IMPDH1: variants seen among roughly 807,000 people sequenced by gnomAD.
IMPDH1 encodes the protein inosine-5'-monophosphate dehydrogenase 1.
A neutral mutation model predicts 73.5 loss-of-function variants in IMPDH1; 41 were observed. That is an observed-to-expected ratio of 0.56 (90% CI 0.43 to 0.72). The LOEUF (loss-of-function observed/expected upper bound fraction) is 0.72. IMPDH1 is among the 30% of genes least tolerant of loss of function. The probability of loss-of-function intolerance (pLI) is 0.00; values close to 1 mark genes in which losing one functional copy is unlikely to be tolerated. For missense variants in IMPDH1, 645 were observed against 824.8 expected (o/e 0.78, Z 2.67); for synonymous variants, 318 against 334.3 (o/e 0.95, Z 0.53).
At position 128,409,447 on chromosome 7, in the gene IMPDH1, G is replaced by A. The variant is rs926912595; in HGVS notation, c.184C>T (p.Arg62Cys). 6.2e-6 allele frequency: 10 copies of A among 1,614,084 alleles called. No homozygotes were observed. Among genetic ancestry groups the A allele is most frequent in the Non-Finnish European group, 8.5e-6 (10 of 1,180,020 alleles). The change falls in exon 2 of 17, where the codon CGT becomes TGT. Residue 62 changes from arginine to cysteine, a missense_variant. Physicochemically the swap from Arg to Cys is radical, Grantham distance 180. Coordinates refer to ENST00000338791, the MANE Select transcript of IMPDH1 (RefSeq NM_000883.4). ...LDLATHPTTP[R>C]SELSSVVLLA... ...CCCCAGGAGTTGGAGCCACCTGAAC[G>A]GGGTGTCGTCGGGTGTGTAGCGAGG...
chr7:128,396,861 G>T lies in IMPDH1; in HGVS notation c.1165+71C>A. 1.6e-6 allele frequency: 2 copies of T among 1,265,954 alleles called. No homozygotes were observed. The highest frequency in any genetic ancestry group is 1.2e-5 in the South Asian group (1 of 83,740). The allele number at this position is 1,265,954 out of a possible 1,614,324, so 78.4% of individuals were successfully genotyped here. A position where few individuals can be genotyped will look rare whatever the true frequency, so the allele number is the denominator to read the frequency against. ...AGGAGCCATACCATCACCTAGGGAT[G>T]CTGAAGGACAGAAAAGGGTTACTCA... On this transcript the variant is annotated intron_variant, in intron 11 of 16. Transcript: ENST00000338791. This position sits in a 1 kb window ranked among gnomAD's most constrained non-coding sequence, Gnocchi z 4.0.
At chr7:128,395,531 C>G (rs879773460) in intron 12 of IMPDH1, among the ~76,000 whole-genome samples, 1 of 152,338 alleles carries the variant, frequency 6.6e-6, no homozygotes, top group East Asian at 1.9e-4. Flanking sequence ...GCCTTCAGAG[C>G]CCAATGCCCC....
rs1327041857 is a variant in IMPDH1, at chr7:128,394,683, C to T, written c.1551-84G>A. Reference sequence around the variant, plus strand: ...CCTCTTAAGGGCAAAAACGGGATACCGCCCAGGAAGGTCCCCCAGGCCACC... The same window carrying T: ...CCTCTTAAGGGCAAAAACGGGATACTGCCCAGGAAGGTCCCCCAGGCCACC... On this transcript the variant is annotated intron_variant, in intron 14 of 16. Coordinates refer to ENST00000338791, the MANE Select transcript of IMPDH1 (RefSeq NM_000883.4). The surrounding 1 kb of genome is among the most constrained non-coding windows in gnomAD (Gnocchi z 5.5). 37 of 1,556,836 alleles carry T rather than the reference C, an allele frequency of 2.4e-5. No homozygotes were observed. Among genetic ancestry groups the T allele is most frequent in the South Asian group, 1.3e-4 (12 of 89,412 alleles).
Position 128,396,691 on chromosome 7 carries a change from C to T in IMPDH1, c.1170G>A (p.Val390=). The T allele has an allele frequency of 6.4e-7, 1 of 1,552,260 alleles. No individual in the cohort carries two copies. ...TCAGGTTCTTGGCCTGGGCTGCTGT[C>T]ACCACTGGGGGTGGGGATGGGGCAG... ...PHLQVIGGNV[V]TAAQAKNLID... The change falls in exon 12 of 17, where the codon GTG becomes GTA. Residue 390 remains valine (V), a synonymous_variant. Transcript: ENST00000338791. The surrounding 1 kb of genome is among the most constrained non-coding windows in gnomAD (Gnocchi z 4.0).
In IMPDH1 at chr7:128,394,311, G is replaced by A. The variant is rs759462745; in HGVS notation, c.1745C>T (p.Ala582Val). 6.2e-7 allele frequency: 1 copy of A among 1,614,086 alleles called. No individual in the cohort carries two copies. Among genetic ancestry groups the A allele is most frequent in the Non-Finnish European group, 8.5e-7 (1 of 1,180,012 alleles). ...ELKFEKRTMS[A>V]QIEGGVHGLH... The stretch of plus-strand genomic sequence containing the variant: ...GCCATGGACACCACCCTCAATCTGG[G>A]CCGACATGGTCCGCTTCTCAAACTT... Residue 582 changes from alanine (A) to valine (V), a missense_variant, in exon 16 of 17, where the codon GCC becomes GTC. By Grantham distance (64) the Ala-to-Val change is moderately conservative. This residue lies in a region of IMPDH1 where 459 missense variants were observed against 638.2 expected (regional missense o/e 0.72). Transcript: ENST00000338791. This position sits in a 1 kb window ranked among gnomAD's most constrained non-coding sequence, Gnocchi z 5.5.
intron 10 of IMPDH1, among the ~76,000 whole-genome samples, 196 bp from the exon 11 acceptor site, chr7:128,397,218 C>A (rs1797986028): frequency 6.7e-6 from 1 of 150,258 alleles, no homozygotes; most frequent in Admixed American, 6.6e-5. Flanking sequence ...GGGACTGCTT[C>A]CCTGAAAGGT....
chr7:128,403,689 A>G lies in IMPDH1; in HGVS notation c.402+17T>C. On this transcript the variant is annotated intron_variant, in intron 5 of 16. Coordinates refer to ENST00000338791, the MANE Select transcript of IMPDH1 (RefSeq NM_000883.4). ...CATACACAGCCCCCTCCCCTTGTCA[A>G]AGGAAGAGGTACTCACCACCTCATC... is the stretch of plus-strand genomic sequence containing the variant. 1.2e-6 allele frequency: 2 copies of G among 1,610,656 alleles called. No homozygotes were observed. The highest frequency in any genetic ancestry group is 1.7e-6 in the Non-Finnish European group (2 of 1,176,800).
chr7:128,405,583 G>T (rs1191942064), intron 4 of IMPDH1, among the ~76,000 whole-genome samples, 184 bp downstream of exon 4: 1 of 152,186 alleles, frequency 6.6e-6, no homozygotes, highest in African/African-American at 2.4e-5. Flanking sequence ...GGGCCGCGGT[G>T]TCGCCGTGCC....
chr7:128,398,048 G>A lies in IMPDH1; in HGVS notation c.1074+366C>T, dbSNP rs1798051378. On this transcript the variant is annotated intron_variant, in intron 10 of 16. Coordinates refer to ENST00000338791, the MANE Select transcript of IMPDH1 (RefSeq NM_000883.4). The surrounding 1 kb of genome is among the most constrained non-coding windows in gnomAD (Gnocchi z 4.3). ...AATGGCTTCTAGCTCTGTCCATGTT[G>A]CTGCAAAGGACAGGATTTCATTCTT... Among the ~76,000 whole-genome samples, 2 of 152,224 alleles carry A rather than the reference G, an allele frequency of 1.3e-5. 1 individual carries two copies. Among genetic ancestry groups the A allele is most frequent in the South Asian group, 4.1e-4 (2 of 4,834 alleles).
rs1315646796 is a variant in IMPDH1 at position 128,409,695 on chromosome 7, G to A, written c.146+61C>T. The A allele has an allele frequency of 7.9e-6, 12 of 1,522,626 alleles. No individual in the cohort carries two copies. The South Asian group carries it at 9.7e-5, about 12-fold the overall frequency. 94.3% of individuals were successfully genotyped at this position (1,522,626 alleles called of 1,614,324 possible). A position where few individuals can be genotyped will look rare whatever the true frequency, so the allele number is the denominator to read the frequency against. On this transcript the variant is annotated intron_variant, in intron 1 of 16. Transcript: ENST00000338791. ...GCAGCGTCGCCGGGTTCCCGGAGCC[G>A]CCGCGCCCTCCTCGGCCGCCCGCCC... is the stretch of plus-strand genomic sequence containing the variant.
At chr7:128,401,578 T>C (rs1360141440) in intron 5 of IMPDH1, among the ~76,000 whole-genome samples, 2 of 152,024 alleles carry the variant, frequency 1.3e-5, no homozygotes, top group Non-Finnish European at 2.9e-5. Context: ...AGGGGCAGCA[T>C]GCATGGCCGT....
chr7:128,406,265 GA>G (rs1418003322), intron 3 of IMPDH1, among the ~76,000 whole-genome samples: 24 of 33,798 alleles, frequency 7.1e-4, no homozygotes, highest in Middle Eastern at 0.017. Context: ...AGCCACCCAG[GA>G]CCCCCCAGCA....
intron 5 of IMPDH1, among the ~76,000 whole-genome samples, chr7:128,401,977 C>G (rs751410774): frequency 1.3e-5 from 2 of 152,156 alleles, no homozygotes; most frequent in African/African-American, 4.8e-5. Context: ...CATCACTAAC[C>G]CTAGTTCAGA....
intron 4 of IMPDH1, among the ~76,000 whole-genome samples, chr7:128,404,397 A>G (rs1216225194): frequency 6.6e-6 from 1 of 152,166 alleles, no homozygotes; most frequent in Non-Finnish European, 1.5e-5. Flanking sequence ...CATGGCAGCT[A>G]CCAACACTAG....
intron 4 of IMPDH1, among the ~76,000 whole-genome samples, chr7:128,404,170 G>A (rs1288385559): frequency 6.6e-6 from 1 of 152,194 alleles, no homozygotes; most frequent in African/African-American, 2.4e-5. Flanking sequence ...CAATTTTGTG[G>A]CGCTCAACAC....
At chr7:128,405,735 G>A in intron 4 of IMPDH1, 32 bp downstream of exon 4, 5 of 1,521,240 alleles carry the variant, frequency 3.3e-6, no homozygotes, top group East Asian at 2.6e-5. Flanking sequence ...GCGTGGATGC[G>A]CGCACCTAGG....
chr7:128,397,427 T>C lies in IMPDH1; in HGVS notation c.1075-405A>G, dbSNP rs141858269. On this transcript the variant is annotated intron_variant, in intron 10 of 16. Coordinates refer to ENST00000338791, the MANE Select transcript of IMPDH1 (RefSeq NM_000883.4). The stretch of plus-strand genomic sequence containing the variant: ...GCGACTGTTCCTCAATGGACTGATA[T>C]ACATTAAGGTCTTGACGCAGTGCCT... Among the ~76,000 whole-genome samples, 405 of 152,348 alleles carry C rather than the reference T, an allele frequency of 2.7e-3. 2 individuals are homozygous for C. Among genetic ancestry groups the C allele is most frequent in the Non-Finnish European group, 4.9e-3 (332 of 68,030 alleles).
In IMPDH1 at chr7:128,400,829, C is replaced by T. The variant is rs1042251; in HGVS notation, c.567G>A (p.Val189=). The T allele has an allele frequency of 5.6e-6, 9 of 1,614,156 alleles. No individual in the cohort carries two copies. Among genetic ancestry groups the T allele is most frequent in the Non-Finnish European group, 7.6e-6 (9 of 1,179,988 alleles). The change falls in exon 7 of 17, where the codon GTG becomes GTA. Residue 189 remains valine (V), a synonymous_variant. Coordinates refer to ENST00000338791, the MANE Select transcript of IMPDH1 (RefSeq NM_000883.4). ...NCTPEFQANE[V]RKVKKFEQGF... Reference sequence around the variant, plus strand: ...GCCTGGTACTTGCCTTGACCTTCCGCACCTCGTTGGCCTGGAACTCTGGGG... The same window carrying T: ...GCCTGGTACTTGCCTTGACCTTCCGTACCTCGTTGGCCTGGAACTCTGGGG...
chr7:128,400,823 C>A lies in IMPDH1; in HGVS notation c.573G>T (p.Lys191Asn), dbSNP rs1165280835. ...TPEFQANEVR[K>N]VKKFEQGFIT... ...GGACAGGCCTGGTACTTGCCTTGAC[C>A]TTCCGCACCTCGTTGGCCTGGAACT... is the stretch of plus-strand genomic sequence containing the variant. The change falls in exon 7 of 17, where the codon AAG (lysine) becomes AAT (asparagine). Residue 191 changes from lysine (K) to asparagine (N), a missense_variant. Lys to Asn is a moderately conservative substitution (Grantham distance 94, BLOSUM62 0). Around this residue, in one of 2 missense-constraint regions of IMPDH1, gnomAD observed 459 missense variants for 638.2 expected, o/e 0.72. Coordinates refer to ENST00000338791, the MANE Select transcript of IMPDH1 (RefSeq NM_000883.4). 6.2e-7 allele frequency: 1 copy of A among 1,614,126 alleles called. No homozygotes were observed. Among genetic ancestry groups the A allele is most frequent in the South Asian group, 1.1e-5 (1 of 91,084 alleles).
Sources: gnomAD v4.1 joint callset for allele counts (sites outside exome capture counted in the v4.1 genomes callset) on GRCh38, gnomAD v4.1.1 for gene constraint, gnomAD v4.1.1 regional missense constraint, Gnocchi (gnomAD v3.1) non-coding constraint, MANE v1.5 for transcripts, NCBI Gene and HGNC (gene_info 2026-07-23, HGNC 2026-07-21) for gene names.